Variants in CTNNA2 observed in about 807,000 individuals in gnomAD.
CTNNA2 encodes the protein catenin alpha-2.
Under a neutral mutation model 101.0 loss-of-function variants are expected in CTNNA2, and 42 were observed. The observed-to-expected ratio is 0.42, with a 90% confidence interval of 0.32 to 0.54. CTNNA2 has a LOEUF of 0.54. CTNNA2 is among the 20% of genes least tolerant of loss of function. CTNNA2 has a pLI of 0.14. For synonymous variants in CTNNA2, 450 were observed against 456.4 expected (o/e 0.99, Z 0.18); for missense variants, 871 against 1,223.1 (o/e 0.71, Z 4.29).
intron 7 of CTNNA2, among the ~76,000 whole-genome samples, chr2:80,372,706 A>G (rs570750036): frequency 1.0e-4 from 15 of 148,818 alleles, no homozygotes; most frequent in African/African-American, 3.5e-4. Context: ...TTATTGAGCC[A>G]CGTTACTTCT....
intron 3 of CTNNA2, among the ~76,000 whole-genome samples, chr2:79,322,288 C>G (rs1222521672): frequency 1.3e-5 from 2 of 152,182 alleles, no homozygotes; most frequent in African/African-American, 4.8e-5. Context: ...CTGCGGGGGG[C>G]TGCCACATTC....
chr2:80,538,417 G>A (rs566557190), intron 9 of CTNNA2, among the ~76,000 whole-genome samples: 2 of 152,256 alleles, frequency 1.3e-5, no homozygotes, highest in African/African-American at 4.8e-5. Flanking sequence ...TGTAAGGAAG[G>A]GGTCCAGTTT....
At chr2:80,583,526 G>T (rs989668913) in intron 14 of CTNNA2, among the ~76,000 whole-genome samples, 4 of 152,158 alleles carry the variant, frequency 2.6e-5, no homozygotes, top group Non-Finnish European at 4.4e-5. Flanking sequence ...GGGCAATTTT[G>T]AGTAATTCAT....
intron 4 of CTNNA2, among the ~76,000 whole-genome samples, chr2:79,453,752 C>A (rs975173967): frequency 6.6e-6 from 1 of 152,036 alleles, no homozygotes; most frequent in Non-Finnish European, 1.5e-5. Flanking sequence ...TGCTTTAACC[C>A]CAAGAATGCT....
At chr2:80,077,486 C>A (rs986708142) in intron 7 of CTNNA2, among the ~76,000 whole-genome samples, 2 of 151,850 alleles carry the variant, frequency 1.3e-5, no homozygotes, top group African/African-American at 2.4e-5. Context: ...TGGTGTCCCA[C>A]ACCTTTAATC....
At chr2:79,646,444 T>C (rs1180140501) in intron 1 of CTNNA2, among the ~76,000 whole-genome samples, 1 of 151,998 alleles carries the variant, frequency 6.6e-6, no homozygotes, top group Non-Finnish European at 1.5e-5. Context: ...ACAGAAAGAA[T>C]ATGAAATTAT....
At chr2:79,990,924 G>A (rs1405298312) in intron 7 of CTNNA2, among the ~76,000 whole-genome samples, 1 of 151,980 alleles carries the variant, frequency 6.6e-6, no homozygotes, top group South Asian at 2.1e-4. Context: ...TTTTTTGGTT[G>A]GTAAGCTATT....
chr2:79,836,501 A>G (rs993611793), intron 3 of CTNNA2, among the ~76,000 whole-genome samples: 3 of 152,198 alleles, frequency 2.0e-5, no homozygotes, highest in Non-Finnish European at 4.4e-5. Flanking sequence ...GGCTTCCATA[A>G]CAAAGTATCA....
At chr2:80,067,961 G>A (rs1698089918) in intron 7 of CTNNA2, among the ~76,000 whole-genome samples, 1 of 152,186 alleles carries the variant, frequency 6.6e-6, no homozygotes, top group South Asian at 2.1e-4. Context: ...GCAACCTGAT[G>A]AGGGACCCCA....
At chr2:79,585,235 T>G (rs1044101120) in intron 1 of CTNNA2, among the ~76,000 whole-genome samples, 2 of 151,998 alleles carry the variant, frequency 1.3e-5, no homozygotes, top group African/African-American at 4.8e-5. Context: ...TTTTATCTCT[T>G]AATGTTTGCA....
intron 4 of CTNNA2, among the ~76,000 whole-genome samples, chr2:79,492,122 T>G (rs1041000762): frequency 9.9e-5 from 15 of 152,156 alleles, no homozygotes; most frequent in African/African-American, 3.1e-4. Flanking sequence ...TGATATTGTA[T>G]GTACCTATAA....
intron 2 of CTNNA2, among the ~76,000 whole-genome samples, chr2:79,688,436 A>G (rs901663345): frequency 6.6e-6 from 1 of 152,040 alleles, no homozygotes; most frequent in African/African-American, 2.4e-5. Flanking sequence ...ATTAAAAACA[A>G]ATCAAATAGA....
chr2:79,607,408 T>C (rs776578744), intron 1 of CTNNA2, among the ~76,000 whole-genome samples: 56 of 152,136 alleles, frequency 3.7e-4, no homozygotes, highest in Non-Finnish European at 7.1e-4. Flanking sequence ...CTGGACCTAA[T>C]CGATGTTTAT....
chr2:79,703,566 C>T (rs1437198781), intron 2 of CTNNA2, among the ~76,000 whole-genome samples: 1 of 152,140 alleles, frequency 6.6e-6, no homozygotes, highest in Non-Finnish European at 1.5e-5. Flanking sequence ...TTAAACTTTC[C>T]ATTCTGAATT....
intron 1 of CTNNA2, among the ~76,000 whole-genome samples, chr2:79,567,109 A>T (rs1675166160): frequency 6.6e-6 from 1 of 152,172 alleles, no homozygotes; most frequent in Admixed American, 6.5e-5. Context: ...TCTTGGTAGA[A>T]GAGAAAATTA....
intron 7 of CTNNA2, among the ~76,000 whole-genome samples, chr2:80,069,573 C>T (rs926513479): frequency 1.3e-5 from 2 of 152,136 alleles, no homozygotes; most frequent in Non-Finnish European, 2.9e-5. Context: ...GATCTTTTCT[C>T]TTGATACACC....
intron 9 of CTNNA2, among the ~76,000 whole-genome samples, chr2:80,476,580 A>G (rs954414184): frequency 6.6e-6 from 1 of 152,180 alleles, no homozygotes; most frequent in Admixed American, 6.6e-5. Flanking sequence ...GAATTATTAA[A>G]TGTATTTTCT....
chr2:80,335,235 G>A (rs948384015), intron 7 of CTNNA2, among the ~76,000 whole-genome samples: 5 of 152,200 alleles, frequency 3.3e-5, no homozygotes. Context: ...ACAATGTGAT[G>A]TAAATGGCTG....
At chr2:79,723,991 C>G (rs1260325802) in intron 2 of CTNNA2, among the ~76,000 whole-genome samples, 1 of 152,150 alleles carries the variant, frequency 6.6e-6, no homozygotes, top group Non-Finnish European at 1.5e-5. Flanking sequence ...TCTGACTCAT[C>G]ATGACTTCAG....
Sources: allele counts gnomAD v4.1 joint callset (sites outside exome capture counted in the v4.1 genomes callset), GRCh38; gene constraint gnomAD v4.1.1; transcripts MANE v1.5; gene names NCBI Gene and HGNC (gene_info 2026-07-23, HGNC 2026-07-21).